The following EPB41L3 variants were observed in gnomAD, a reference collection of about 807,000 sequenced individuals.
The protein encoded by EPB41L3 is erythrocyte membrane protein band 4.1 like 3.
EPB41L3 carries 57 observed loss-of-function variants against 127.1 expected under a neutral mutation model. The ratio of observed to expected loss-of-function variants is 0.45; its 90% CI spans 0.36 to 0.56. The LOEUF is 0.56. Among genes scored for constraint, EPB41L3 ranks in the 20% least tolerant of loss-of-function variants. EPB41L3 has a pLI of 0.00. For missense variants in EPB41L3, 1,273 were observed against 1,372.2 expected (o/e 0.93, Z 1.14); for synonymous variants, 572 against 549.5 (o/e 1.04, Z -0.57).
At chr18:5,630,651 T>G, upstream of EPB41L3, 1 of 373,628 alleles carries the variant, frequency 2.7e-6, no homozygotes, top group Non-Finnish European at 5.2e-6. Context: ...TGCAGCGCGC[T>G]TCGGGCGCCT....
chr18:5,399,899 A>C (rs2074217803), intron 16 of EPB41L3: 1 of 152,278 alleles, frequency 6.6e-6, no homozygotes, highest in Admixed American at 6.5e-5. Flanking sequence ...AATAGCACTT[A>C]TTATTCAATA....
chr18:5,623,855 C>T (rs1268582708), intron 1 of EPB41L3, among the ~76,000 whole-genome samples: 1 of 151,910 alleles, frequency 6.6e-6, no homozygotes, highest in African/African-American at 2.4e-5. Context: ...CAGGGTTTCA[C>T]CATGTTGGCC....
intron 1 of EPB41L3, among the ~76,000 whole-genome samples, chr18:5,500,337 G>C (rs1426482481): frequency 1.3e-5 from 2 of 152,146 alleles, no homozygotes; most frequent in African/African-American, 4.8e-5. Context: ...CCCAACATCT[G>C]ACTCTGCATC....
chr18:5,516,186 C>G (rs2092743373), intron 1 of EPB41L3, among the ~76,000 whole-genome samples: 1 of 152,214 alleles, frequency 6.6e-6, no homozygotes, highest in African/African-American at 2.4e-5. Context: ...CACCTCATTT[C>G]CACTACGGAT....
intron 3 of EPB41L3, among the ~76,000 whole-genome samples, chr18:5,566,840 C>T (rs565693515): frequency 4.0e-5 from 6 of 149,654 alleles, no homozygotes; most frequent in Non-Finnish European, 7.4e-5. Flanking sequence ...GAGTCTCACT[C>T]TCATGCCCAG....
At chr18:5,418,836 C>T (rs544444531) in intron 12 of EPB41L3, among the ~76,000 whole-genome samples, 2 of 152,234 alleles carry the variant, frequency 1.3e-5, no homozygotes, top group African/African-American at 4.8e-5. Context: ...ATTTGAAGAG[C>T]CCATGTACAA....
chr18:5,436,865 T>G (rs956577192), intron 6 of EPB41L3, among the ~76,000 whole-genome samples: 10 of 152,262 alleles, frequency 6.6e-5, no homozygotes, highest in African/African-American at 2.4e-4. Flanking sequence ...CCTCTGGAAC[T>G]AATTTTTACC....
chr18:5,578,534 G>T (rs957705045), intron 3 of EPB41L3, among the ~76,000 whole-genome samples: 10 of 152,072 alleles, frequency 6.6e-5, no homozygotes, highest in African/African-American at 2.4e-4. Context: ...CAAGAAATTT[G>T]CCCCACATCT....
In EPB41L3 at chr18:5,420,496, C is replaced by T. The variant is rs552339516; in HGVS notation, c.1340-619G>A. Among the ~76,000 whole-genome samples the T allele has an allele frequency of 4.6e-5, 7 of 152,270 alleles. No individual in the cohort carries two copies. In the South Asian group the frequency reaches 1.2e-3, roughly 27 times the overall value. On this transcript the variant is annotated intron_variant, in intron 11 of 22. Transcript: ENST00000341928. ...GATTATAAAAATCAGATGGCAATTC[C>T]ATTCACCTAAAGTACAGAAATGTTT...
intron 12 of EPB41L3, among the ~76,000 whole-genome samples, chr18:5,419,250 G>A (rs903062311): frequency 2.0e-5 from 3 of 152,260 alleles, no homozygotes; most frequent in Admixed American, 6.5e-5. Context: ...CTGATTAGGC[G>A]TAAGTATAAA....
intron 1 of EPB41L3, among the ~76,000 whole-genome samples, chr18:5,516,801 CA>C (rs2092769285): frequency 6.6e-6 from 1 of 152,124 alleles, no homozygotes; most frequent in African/African-American, 2.4e-5. Context: ...ATCTGCTGAT[CA>C]GAACAGTTAA....
At chr18:5,533,903 G>A (rs1598745601) in intron 1 of EPB41L3, among the ~76,000 whole-genome samples, 1 of 152,180 alleles carries the variant, frequency 6.6e-6, no homozygotes, top group African/African-American at 2.4e-5. Flanking sequence ...CGTGGCTGAC[G>A]CCTGTAATCC....
At chr18:5,540,541 AG>A (rs2093689370) in intron 1 of EPB41L3, 2 of 985,490 alleles carry the variant, frequency 2.0e-6, no homozygotes, top group African/African-American at 3.5e-5. Flanking sequence ...CCCACAGCCA[AG>A]GCAAATCAAA....
intron 1 of EPB41L3, among the ~76,000 whole-genome samples, chr18:5,521,985 T>C (rs1482145601): frequency 6.6e-6 from 1 of 152,216 alleles, no homozygotes; most frequent in Non-Finnish European, 1.5e-5. Context: ...TTTTAACTTG[T>C]AGCAATAATG....
At chr18:5,520,324 A>G (rs1189387564) in intron 1 of EPB41L3, among the ~76,000 whole-genome samples, 1 of 152,174 alleles carries the variant, frequency 6.6e-6, no homozygotes, top group African/African-American at 2.4e-5. Context: ...GTGATTTAAA[A>G]TGTTCTGGCT....
intron 19 of EPB41L3, 63 bp downstream of exon 19, chr18:5,396,138 C>T (rs2143693696): frequency 5.7e-6 from 9 of 1,592,870 alleles, no homozygotes; most frequent in Non-Finnish European, 7.7e-6. Flanking sequence ...TCTATGTAAA[C>T]ACACTAGGCC....
chr18:5,465,015 G>A (rs2084702379), intron 3 of EPB41L3, among the ~76,000 whole-genome samples: 1 of 152,158 alleles, frequency 6.6e-6, no homozygotes, highest in African/African-American at 2.4e-5. Flanking sequence ...GTCACAAGTG[G>A]CGTGTGTGTA....
intron 3 of EPB41L3, among the ~76,000 whole-genome samples, chr18:5,468,121 C>A (rs1470007683): frequency 6.6e-6 from 1 of 152,202 alleles, no homozygotes; most frequent in Non-Finnish European, 1.5e-5. Flanking sequence ...ACACTCAAGT[C>A]CCCTGCTGCC....
chr18:5,405,441 G>C (rs1411931638), intron 16 of EPB41L3, among the ~76,000 whole-genome samples: 1 of 152,176 alleles, frequency 6.6e-6, no homozygotes, highest in Non-Finnish European at 1.5e-5. Flanking sequence ...ACAGTAGACA[G>C]TCAAGTTAGC....
Sources: allele counts gnomAD v4.1 joint callset (sites outside exome capture counted in the v4.1 genomes callset), GRCh38; gene constraint gnomAD v4.1.1; transcripts MANE v1.5; gene names NCBI Gene and HGNC (gene_info 2026-07-23, HGNC 2026-07-21).